The following SCP2 variants were observed in gnomAD, a reference collection of about 807,000 sequenced individuals.
SCP2 encodes SCP-2/3-oxoacyl-CoA thiolase.
A neutral mutation model predicts 71.4 loss-of-function variants in SCP2; 48 were observed. That is an observed-to-expected ratio of 0.67 (90% confidence interval 0.53 to 0.86). The LOEUF is 0.86. SCP2 is among the 40% of genes least tolerant of loss of function. The pLI is 0.00. For synonymous variants in SCP2, 220 were observed against 218.1 expected (o/e 1.01, Z -0.08); for missense variants, 560 against 655.6 (o/e 0.85, Z 1.59).
intron 10 of SCP2, among the ~76,000 whole-genome samples, chr1:52,980,906 G>A (rs1658425595): frequency 6.6e-6 from 1 of 151,976 alleles, no homozygotes; most frequent in Non-Finnish European, 1.5e-5. Context: ...ATCTCTTATA[G>A]GCAGCATGTA....
chr1:53,028,434 T>A (rs1333713449), intron 13 of SCP2, among the ~76,000 whole-genome samples: 1 of 152,206 alleles, frequency 6.6e-6, no homozygotes, highest in African/African-American at 2.4e-5. Flanking sequence ...TTACTTAAAA[T>A]CATTTCAAAG....
chr1:52,979,234 C>T (rs1443949070), intron 9 of SCP2, among the ~76,000 whole-genome samples: 1 of 151,972 alleles, frequency 6.6e-6, no homozygotes, highest in Non-Finnish European at 1.5e-5. Flanking sequence ...CGTGGTGGTG[C>T]GATCATAGCT....
chr1:52,979,990 T>G (rs564186179), intron 9 of SCP2, among the ~76,000 whole-genome samples: 1 of 151,868 alleles, frequency 6.6e-6, no homozygotes, highest in African/African-American at 2.4e-5. Context: ...TGTTTCTTTT[T>G]TGAGACAGGA....
At chr1:52,973,254 A>T (rs1259438285) in intron 6 of SCP2, among the ~76,000 whole-genome samples, 1 of 152,162 alleles carries the variant, frequency 6.6e-6, no homozygotes, top group Non-Finnish European at 1.5e-5. Flanking sequence ...TAATGCACAT[A>T]GTGCAATAGT....
intron 12 of SCP2, 118 bp downstream of exon 12, chr1:53,015,161 C>G (rs1371651119): frequency 1.0e-6 from 1 of 1,003,328 alleles, no homozygotes; most frequent in East Asian, 2.5e-5. Context: ...AAAAGTATCT[C>G]ATTACATTGT....
chr1:53,025,884 C>T (rs558610692), intron 12 of SCP2, among the ~76,000 whole-genome samples: 2 of 152,226 alleles, frequency 1.3e-5, no homozygotes, highest in Non-Finnish European at 2.9e-5. Flanking sequence ...CTGCCTGCAT[C>T]ATCATTTGGC....
intron 11 of SCP2, among the ~76,000 whole-genome samples, chr1:53,003,414 T>C (rs1013083492): frequency 6.6e-5 from 10 of 152,150 alleles, no homozygotes; most frequent in Admixed American, 1.3e-4. Context: ...GAGACGGGCT[T>C]TCGCCATGTT....
At chr1:52,933,719 T>C (rs1449302492) in intron 1 of SCP2, among the ~76,000 whole-genome samples, 1 of 152,210 alleles carries the variant, frequency 6.6e-6, no homozygotes, top group Non-Finnish European at 1.5e-5. Context: ...TGCCAATGAA[T>C]TGATCTAGCA....
intron 1 of SCP2, 66 bp from the exon 2 acceptor site, chr1:52,941,730 G>T (rs112730084): frequency 6.0e-6 from 6 of 994,094 alleles, no homozygotes; most frequent in Admixed American, 1.9e-5. Flanking sequence ...GCAAGACTCC[G>T]TCTCAAAAAA....
chr1:52,935,345 G>T (rs1194514728), intron 1 of SCP2, among the ~76,000 whole-genome samples: 3 of 152,008 alleles, frequency 2.0e-5, no homozygotes, highest in African/African-American at 7.2e-5. Flanking sequence ...ACTTTGAGAA[G>T]CCAAGGAGGG....
intron 6 of SCP2, among the ~76,000 whole-genome samples, chr1:52,963,954 T>C (rs1656716542): frequency 6.6e-6 from 1 of 152,188 alleles, no homozygotes; most frequent in African/African-American, 2.4e-5. Flanking sequence ...GGACATTAAG[T>C]ACTTTTTGTT....
At chr1:52,941,262 G>C (rs550634526) in intron 1 of SCP2, among the ~76,000 whole-genome samples, 1 of 152,154 alleles carries the variant, frequency 6.6e-6, no homozygotes, top group African/African-American at 2.4e-5. Flanking sequence ...TCCAAGTCTG[G>C]GTAGATGTCT....
At chr1:52,962,752 T>A (rs764527384) in intron 6 of SCP2, among the ~76,000 whole-genome samples, 10 of 152,132 alleles carry the variant, frequency 6.6e-5, no homozygotes, top group Admixed American at 2.6e-4. Flanking sequence ...AGGTCTTTGC[T>A]TAAAAGCCAC....
chr1:52,987,678 C>T lies in SCP2; in HGVS notation c.974-351C>T, dbSNP rs186886160. Among the ~76,000 whole-genome samples, 621 of 152,114 alleles carry T rather than the reference C, an allele frequency of 4.1e-3. 5 individuals are homozygous for T. Among genetic ancestry groups the T allele is most frequent in the African/African-American group, 0.014 (596 of 41,512 alleles). On this transcript the variant is annotated intron_variant, in intron 10 of 15. Transcript: ENST00000371514. ...CAGTACAGATGAAAATAGAAAAGAACACATTTTGGCAAAATTATGCATTTT... is the reference window on the plus strand; with the variant it reads ...CAGTACAGATGAAAATAGAAAAGAATACATTTTGGCAAAATTATGCATTTT...
intron 6 of SCP2, among the ~76,000 whole-genome samples, chr1:52,966,103 C>T (rs1005001618): frequency 6.6e-6 from 1 of 152,090 alleles, no homozygotes; most frequent in Non-Finnish European, 1.5e-5. Flanking sequence ...CTTCTTTTCT[C>T]ATTGTAATAT....
intron 14 of SCP2, among the ~76,000 whole-genome samples, chr1:53,047,449 G>C (rs1663893099): frequency 6.6e-6 from 1 of 152,194 alleles, no homozygotes; most frequent in South Asian, 2.1e-4. Context: ...TAAGTTTACA[G>C]ATGTTTTTCT....
intron 11 of SCP2, chr1:52,993,387 C>T: frequency 6.2e-7 from 1 of 1,614,168 alleles, no homozygotes; most frequent in Non-Finnish European, 8.5e-7. Context: ...AACTGCCGTC[C>T]TTCTTCCTGT....
intron 10 of SCP2, 68 bp downstream of exon 10, chr1:52,980,611 G>A: frequency 1.4e-6 from 2 of 1,423,338 alleles, no homozygotes; most frequent in Non-Finnish European, 2.0e-6. Context: ...TTGACCGTTA[G>A]ATAAAAGAAT....
At position 52,961,651 on chromosome 1, in the gene SCP2, T is replaced by C. The variant is rs1248335441; in HGVS notation, c.523+22T>C. 3 of 1,605,728 alleles carry C rather than the reference T, an allele frequency of 1.9e-6. No homozygotes were observed. The South Asian group carries it at 3.3e-5, about 18-fold the overall frequency. On this transcript the variant is annotated intron_variant, in intron 6 of 15. Transcript: ENST00000371514. ...TATGGTATGTTACAGTTAAAAAACTTTGAGGCTTCTTACTAGTTATATACA... is the reference window on the plus strand; with the variant it reads ...TATGGTATGTTACAGTTAAAAAACTCTGAGGCTTCTTACTAGTTATATACA...
Sources: allele counts gnomAD v4.1 joint callset (sites outside exome capture counted in the v4.1 genomes callset), GRCh38; gene constraint gnomAD v4.1.1; transcripts MANE v1.5; gene names NCBI Gene and HGNC (gene_info 2026-07-23, HGNC 2026-07-21).